Variants in PAK6 observed in about 807,000 individuals in gnomAD.
PAK6 encodes the protein serine/threonine-protein kinase PAK 6.
Under a neutral mutation model 60.8 loss-of-function variants are expected in PAK6, and 33 were observed. The ratio of observed to expected loss-of-function variants is 0.54; its 90% CI spans 0.41 to 0.73. The LOEUF is 0.73. Among genes scored for constraint, PAK6 ranks in the 30% least tolerant of loss-of-function variants. The pLI is 0.00. For missense variants in PAK6, 845 were observed against 904.1 expected (o/e 0.93, Z 0.84); for synonymous variants, 404 against 378.5 (o/e 1.07, Z -0.78).
intron 2 of PAK6, among the ~76,000 whole-genome samples, chr15:40,241,712 T>C (rs1285207398): frequency 6.6e-6 from 1 of 152,130 alleles, no homozygotes; most frequent in Middle Eastern, 3.2e-3. Context: ...GACAAACTGA[T>C]GCTTTGTGAG....
intron 2 of PAK6, among the ~76,000 whole-genome samples, chr15:40,241,304 T>C (rs537855045): frequency 2.0e-5 from 3 of 152,306 alleles, no homozygotes; most frequent in African/African-American, 7.2e-5. Context: ...CCAGTTATCC[T>C]TTCCCTGGCA....
At chr15:40,269,657 A>C (rs1951006738) in intron 5 of PAK6, among the ~76,000 whole-genome samples, 1 of 152,134 alleles carries the variant, frequency 6.6e-6, no homozygotes, top group Non-Finnish European at 1.5e-5. Context: ...AAGCCAACGA[A>C]AGGATGCTAG....
chr15:40,264,533 G>A, intron 3 of PAK6: 1 of 605,706 alleles, frequency 1.7e-6, no homozygotes, highest in Admixed American at 2.4e-5. Flanking sequence ...GCACAGGCAA[G>A]AAGACACCTC....
At chr15:40,240,742 G>A (rs569435800) in intron 2 of PAK6, 61 bp downstream of exon 2, 2 of 419,424 alleles carry the variant, frequency 4.8e-6, no homozygotes, top group East Asian at 7.3e-5. Context: ...GGGTGCCAAG[G>A]TGTCCAGGCT....
intron 3 of PAK6, chr15:40,259,573 G>A (rs2038928711): frequency 6.6e-6 from 1 of 152,116 alleles, no homozygotes; most frequent in African/African-American, 2.4e-5. Context: ...GATCACCTGA[G>A]GTCAGGAGTT....
intron 3 of PAK6, chr15:40,259,569 C>G (rs2038928612): frequency 6.6e-6 from 1 of 152,016 alleles, no homozygotes; most frequent in South Asian, 2.1e-4. Context: ...GGTGGATCAC[C>G]TGAGGTCAGG....
At position 40,265,747 on chromosome 15, in the gene PAK6, G is replaced by T; in HGVS notation, c.205-95G>T. 7.6e-6 allele frequency: 9 copies of T among 1,178,246 alleles called. No homozygotes were observed. The South Asian group carries it at 1.3e-4, about 18-fold the overall frequency. 73.0% of individuals were successfully genotyped at this position (1,178,246 alleles called of 1,614,324 possible). ...AAGGTCCTTAGGTGGTCCTCCCCAG[G>T]GCCCCCAGGGACATTCTCTGACCCT... is the stretch of plus-strand genomic sequence containing the variant. On this transcript the variant is annotated intron_variant, in intron 4 of 10. Transcript: ENST00000560346.
chr15:40,275,280 GTTTTTTTTTT>G (rs869058525), intron 10 of PAK6, among the ~76,000 whole-genome samples: 10 of 56,488 alleles, frequency 1.8e-4, no homozygotes, highest in African/African-American at 7.2e-4. Context: ...GTTGTTGTTG[GTTTTTTTTTT>G]TTTTTTTTTT....
chr15:40,251,425 T>C (rs183885930), intron 2 of PAK6: 14 of 152,288 alleles, frequency 9.2e-5, no homozygotes, highest in African/African-American at 3.4e-4. Flanking sequence ...TTAGAGTAAA[T>C]TGTGTGAAAC....
chr15:40,260,919 C>T (rs1341842934), intron 3 of PAK6, among the ~76,000 whole-genome samples: 2 of 146,720 alleles, frequency 1.4e-5, no homozygotes, highest in East Asian at 2.0e-4. Flanking sequence ...GACAGAGTCT[C>T]GCTCTGTCGC....
intron 2 of PAK6, chr15:40,250,934 G>C (rs1268058696): frequency 1.3e-5 from 2 of 152,484 alleles, no homozygotes; most frequent in East Asian, 3.8e-4. Flanking sequence ...GCCAGCATTC[G>C]ACCAGTGTAC....
rs376491276 is a variant in PAK6, at chr15:40,273,541, T to C, written c.1618-10T>C. On this transcript the variant is annotated splice_polypyrimidine_tract_variant and intron_variant, in intron 8 of 10. Coordinates refer to ENST00000560346, the Ensembl canonical transcript of PAK6. ...TCCTGATCCACCACTCACTCCCTTT[T>C]CAACCGCAGGTGAAGCTCTCGGACT... 6.2e-7 allele frequency: 1 copy of C among 1,613,946 alleles called. No individual in the cohort carries two copies. The highest frequency in any genetic ancestry group is 1.7e-5 in the Admixed American group (1 of 60,018).
chr15:40,274,472 C>G (rs1343234407), intron 10 of PAK6, among the ~76,000 whole-genome samples, 196 bp downstream of exon 10: 1 of 152,240 alleles, frequency 6.6e-6, no homozygotes, highest in Non-Finnish European at 1.5e-5. Context: ...ATGTGCGCTC[C>G]GACAAGTCGC....
chr15:40,252,264 G>T (rs1342716327), intron 2 of PAK6: 92 of 1,202,254 alleles, frequency 7.7e-5, no homozygotes, highest in Non-Finnish European at 8.3e-5. Context: ...AGTGAACGAG[G>T]TGATTACACA....
intron 2 of PAK6, chr15:40,246,946 G>A (rs2038511397): frequency 2.0e-5 from 3 of 152,376 alleles, no homozygotes; most frequent in Admixed American, 6.5e-5. Context: ...TGGAGCTAAG[G>A]TGTTCTGCCC....
intron 3 of PAK6, among the ~76,000 whole-genome samples, chr15:40,257,636 A>G (rs1381184231): frequency 6.6e-6 from 1 of 152,232 alleles, no homozygotes; most frequent in Non-Finnish European, 1.5e-5. Context: ...CTCGCACAGC[A>G]ATGCTCATTT....
intron 4 of PAK6, among the ~76,000 whole-genome samples, chr15:40,265,636 C>A (rs2039104923): frequency 6.6e-6 from 1 of 152,250 alleles, no homozygotes; most frequent in East Asian, 1.9e-4. Context: ...GGCCTTCTCC[C>A]CGCATCCCTG....
At chr15:40,266,407 A>G (rs750127946) in exon 5 of PAK6, 1 of 1,613,220 alleles carries the variant, frequency 6.2e-7, no homozygotes, top group Non-Finnish European at 8.5e-7. Flanking sequence ...AGCAGCCTGA[A>G]GCGCAGGCTA....
chr15:40,270,014 A>T (rs969010504), intron 5 of PAK6, among the ~76,000 whole-genome samples: 2 of 152,334 alleles, frequency 1.3e-5, no homozygotes, highest in Non-Finnish European at 1.5e-5. Flanking sequence ...CCACCTCAGG[A>T]GGAGCTTTAG....
Sources: gnomAD v4.1 joint callset for allele counts (sites outside exome capture counted in the v4.1 genomes callset) on GRCh38, gnomAD v4.1.1 for gene constraint, MANE v1.5 for transcripts, NCBI Gene and HGNC (gene_info 2026-07-23, HGNC 2026-07-21) for gene names.